The following FAM13A variants were observed in gnomAD, a reference collection of about 807,000 sequenced individuals.
FAM13A encodes protein FAM13A.
FAM13A carries 76 observed loss-of-function variants against 129.6 expected under a neutral mutation model. The ratio of observed to expected loss-of-function variants is 0.59; its 90% CI spans 0.49 to 0.71. FAM13A has a LOEUF of 0.71. Among genes scored for constraint, FAM13A ranks in the 30% least tolerant of loss-of-function variants. FAM13A has a pLI of 0.00. For synonymous variants in FAM13A, 443 were observed against 449.9 expected (o/e 0.98, Z 0.20); for missense variants, 1,108 against 1,249.3 (o/e 0.89, Z 1.70).
chr4:89,026,354 T>A lies in FAM13A; in HGVS notation c.217+3106A>T, dbSNP rs578047394. 2.6e-4 allele frequency among the ~76,000 whole-genome samples: 40 copies of A among 152,350 alleles called. 1 individual carries two copies. In the South Asian group the frequency reaches 8.3e-3, roughly 32 times the overall value. On this transcript the variant is annotated intron_variant, in intron 2 of 23. Transcript: ENST00000264344. ...AAGCATTTGAATAAATCCAGAGCTG[T>A]TTTCTAAGAATCTGGCCTTTTTACA...
At chr4:88,994,960 G>C (rs1763347533) in intron 3 of FAM13A, among the ~76,000 whole-genome samples, 1 of 151,960 alleles carries the variant, frequency 6.6e-6, no homozygotes, top group Non-Finnish European at 1.5e-5. Flanking sequence ...TGATAATTAT[G>C]ATGGCTCACT....
intron 14 of FAM13A, among the ~76,000 whole-genome samples, chr4:88,757,031 T>G (rs556664490): frequency 6.6e-6 from 1 of 152,144 alleles, no homozygotes; most frequent in Non-Finnish European, 1.5e-5. Flanking sequence ...ATGCAACATA[T>G]TTTTTTCCAA....
At chr4:88,864,739 T>C (rs1579016345) in intron 6 of FAM13A, among the ~76,000 whole-genome samples, 1 of 152,328 alleles carries the variant, frequency 6.6e-6, no homozygotes, top group East Asian at 1.9e-4. Context: ...GTTACCTATG[T>C]TTTTGTGCTC....
intron 6 of FAM13A, among the ~76,000 whole-genome samples, chr4:88,877,372 A>G (rs1010604093): frequency 4.6e-5 from 7 of 152,368 alleles, no homozygotes; most frequent in African/African-American, 1.7e-4. Context: ...AACAGTATTT[A>G]TCATACTGAA....
At chr4:88,859,834 T>C (rs28542213) in intron 6 of FAM13A, among the ~76,000 whole-genome samples, 41,963 of 152,120 alleles carry the variant, frequency 0.28, 6,252 homozygotes, top group East Asian at 0.37. Context: ...TCTGGTGCTG[T>C]AATAGCTTGT....
intron 6 of FAM13A, among the ~76,000 whole-genome samples, chr4:88,869,606 C>T (rs1383060627): frequency 1.3e-5 from 2 of 152,200 alleles, no homozygotes; most frequent in Non-Finnish European, 2.9e-5. Flanking sequence ...TCTCAGGGCA[C>T]TTTATTTTCC....
At chr4:88,833,237 G>A (rs1734215175) in intron 7 of FAM13A, among the ~76,000 whole-genome samples, 1 of 152,082 alleles carries the variant, frequency 6.6e-6, no homozygotes, top group African/African-American at 2.4e-5. Flanking sequence ...TGGAGGGAGG[G>A]AGTGCATCAG....
intron 6 of FAM13A, among the ~76,000 whole-genome samples, chr4:88,858,788 T>C (rs1324384002): frequency 1.3e-5 from 2 of 152,136 alleles, no homozygotes; most frequent in African/African-American, 4.8e-5. Context: ...GGTAATGAAA[T>C]GTTCTGGAAT....
intron 7 of FAM13A, among the ~76,000 whole-genome samples, chr4:88,837,342 T>G (rs117891482): frequency 6.6e-6 from 1 of 152,224 alleles, no homozygotes; most frequent in East Asian, 1.9e-4. Flanking sequence ...AAACTGTTTA[T>G]TTTTCAGTTA....
intron 5 of FAM13A, among the ~76,000 whole-genome samples, chr4:88,908,489 ATTCT>A (rs1310947663): frequency 1.3e-5 from 2 of 152,164 alleles, no homozygotes; most frequent in Admixed American, 1.3e-4. Context: ...AATGCCTATA[ATTCT>A]TTCTTCCTTA....
chr4:88,925,767 C>T (rs1202854500), intron 5 of FAM13A, among the ~76,000 whole-genome samples: 5 of 150,006 alleles, frequency 3.3e-5, no homozygotes, highest in Admixed American at 3.3e-4. Flanking sequence ...AGATATTGTT[C>T]TCACCCTAGA....
rs186594689 is a variant in FAM13A at position 88,733,944 on chromosome 4, C to A, written c.2647-1746G>T. Reference sequence around the variant, plus strand: ...GGAAGTGTGCCTTGCACATAGTGAGCACTCAATATTTTTTGAGATAAATGT... The same window carrying A: ...GGAAGTGTGCCTTGCACATAGTGAGAACTCAATATTTTTTGAGATAAATGT... On this transcript the variant is annotated intron_variant, in intron 21 of 23. Coordinates refer to ENST00000264344, the MANE Select transcript of FAM13A (RefSeq NM_014883.4). Among the ~76,000 whole-genome samples, 27 of 152,326 alleles carry A rather than the reference C, an allele frequency of 1.8e-4. No individual in the cohort carries two copies. In the South Asian group the frequency reaches 2.7e-3, roughly 15 times the overall value.
At chr4:88,881,670 T>C (rs1224089201) in intron 6 of FAM13A, among the ~76,000 whole-genome samples, 2 of 152,054 alleles carry the variant, frequency 1.3e-5, no homozygotes, top group Non-Finnish European at 2.9e-5. Context: ...GGTTGATTAA[T>C]AAGCTAATCA....
In FAM13A at chr4:88,737,453, TAG is replaced by T; in HGVS notation, c.2646+17_2646+18del. The T allele has an allele frequency of 6.2e-7, 1 of 1,609,362 alleles. No individual in the cohort carries two copies. The highest frequency in any genetic ancestry group is 8.5e-7 in the Non-Finnish European group (1 of 1,175,880). On this transcript the variant is annotated intron_variant, in intron 21 of 23. Transcript: ENST00000264344. ...AACTGGTGCGGATTTAGCAATGGGT[TAG>T]CAGCTGGGGTCTTCACCTTTATCTC... is the stretch of plus-strand genomic sequence containing the variant.
chr4:89,051,373 A>C (rs1771573792), intron 1 of FAM13A, among the ~76,000 whole-genome samples: 1 of 152,124 alleles, frequency 6.6e-6, no homozygotes. Context: ...CACATTCATG[A>C]CCTAATCGCC....
intron 6 of FAM13A, among the ~76,000 whole-genome samples, chr4:88,899,393 T>C (rs1014454290): frequency 1.3e-5 from 2 of 152,004 alleles, no homozygotes; most frequent in African/African-American, 4.8e-5. Flanking sequence ...GTATACTGCT[T>C]GGGTGATAAG....
At chr4:88,871,767 A>C (rs1741440340) in intron 6 of FAM13A, among the ~76,000 whole-genome samples, 1 of 152,236 alleles carries the variant, frequency 6.6e-6, no homozygotes, top group Non-Finnish European at 1.5e-5. Context: ...AAGGCAGGCC[A>C]ACATTCAAAT....
At chr4:88,988,513 T>C (rs887171789) in intron 4 of FAM13A, among the ~76,000 whole-genome samples, 2 of 152,198 alleles carry the variant, frequency 1.3e-5, no homozygotes, top group Admixed American at 6.5e-5. Flanking sequence ...TAGTTTCAAA[T>C]GGTTCAACAA....
At chr4:89,020,703 G>C (rs112455610) in intron 2 of FAM13A, 34 bp from the exon 3 acceptor site, 1 of 1,424,352 alleles carries the variant, frequency 7.0e-7, no homozygotes, top group Non-Finnish European at 9.9e-7. Flanking sequence ...AAAATAAATA[G>C]GTTTCTCACA....
Sources: gnomAD v4.1 joint callset for allele counts (sites outside exome capture counted in the v4.1 genomes callset) on GRCh38, gnomAD v4.1.1 for gene constraint, MANE v1.5 for transcripts, NCBI Gene and HGNC (gene_info 2026-07-23, HGNC 2026-07-21) for gene names.